CUBN: variants seen among roughly 807,000 people sequenced by gnomAD.
The protein encoded by CUBN is 460 kDa receptor.
CUBN carries 282 observed loss-of-function variants against 405.3 expected under a neutral mutation model. The ratio of observed to expected loss-of-function variants is 0.70; its 90% CI spans 0.63 to 0.77. CUBN has a LOEUF of 0.77. Among genes scored for constraint, CUBN ranks in the 30% least tolerant of loss-of-function variants. CUBN has a pLI of 0.00. For missense variants in CUBN, 4,514 were observed against 4,475.2 expected (o/e 1.01, Z -0.25); for synonymous variants, 1,684 against 1,617.0 (o/e 1.04, Z -0.99).
Position 17,115,505 on chromosome 10 carries a change from A to G in CUBN, c.686T>C (p.Ile229Thr). 2 of 1,614,070 alleles carry G rather than the reference A, an allele frequency of 1.2e-6. No homozygotes were observed. The highest frequency in any genetic ancestry group is 1.7e-6 in the Non-Finnish European group (2 of 1,179,998). Residue 229 changes from isoleucine (I) to threonine (T), a missense_variant, in exon 7 of 67, where the codon ATC becomes ACC. By Grantham distance (89) the Ile-to-Thr change is moderately conservative. Coordinates refer to ENST00000377833, the MANE Select transcript of CUBN (RefSeq NM_001081.4). ...TTGCTCTCGCATTAAATCCTCACAG[A>G]TGCCATGGACACAGCGTGCCACAGA... Reference protein sequence around the residue: ...GGSVARCVHGICEDLMREQAG... With the variant: ...GGSVARCVHGTCEDLMREQAG...
chr10:16,844,578 C>A (rs1185765730), intron 60 of CUBN, among the ~76,000 whole-genome samples: 3 of 152,174 alleles, frequency 2.0e-5, no homozygotes, highest in African/African-American at 7.2e-5. Flanking sequence ...GAAGCCAGGG[C>A]TGGATGGAAG....
chr10:16,930,027 C>T (rs918738796), intron 40 of CUBN, among the ~76,000 whole-genome samples: 1 of 152,178 alleles, frequency 6.6e-6, no homozygotes, highest in Non-Finnish European at 1.5e-5. Flanking sequence ...CCCCTTCAGT[C>T]TTCATACTGA....
At chr10:16,867,027 A>G (rs1020620184) in intron 59 of CUBN, among the ~76,000 whole-genome samples, 1 of 152,244 alleles carries the variant, frequency 6.6e-6, no homozygotes, top group African/African-American at 2.4e-5. Flanking sequence ...AAGCAGATGT[A>G]CATAAAACAT....
chr10:16,862,849 C>T (rs1014175794), intron 59 of CUBN, among the ~76,000 whole-genome samples: 2 of 152,234 alleles, frequency 1.3e-5, no homozygotes, highest in African/African-American at 4.8e-5. Context: ...TTCTTCCCAG[C>T]ACCTGTTCCC....
At chr10:17,058,452 T>C (rs961827223) in intron 22 of CUBN, among the ~76,000 whole-genome samples, 7 of 152,126 alleles carry the variant, frequency 4.6e-5, no homozygotes, top group Non-Finnish European at 8.8e-5. Context: ...GAAAGTCCAA[T>C]AAATAATTCA....
chr10:17,020,162 G>C (rs1834451975), intron 27 of CUBN, among the ~76,000 whole-genome samples, 179 bp from the exon 28 acceptor site: 1 of 152,096 alleles, frequency 6.6e-6, no homozygotes, highest in Admixed American at 6.5e-5. Flanking sequence ...TGCATAGAGA[G>C]GGTATTAGAG....
intron 59 of CUBN, among the ~76,000 whole-genome samples, chr10:16,854,550 G>A (rs1839814807): frequency 6.6e-6 from 1 of 152,186 alleles, no homozygotes; most frequent in Non-Finnish European, 1.5e-5. Flanking sequence ...ACATTGCTGT[G>A]GTGAGGGCTG....
intron 27 of CUBN, among the ~76,000 whole-genome samples, chr10:17,037,213 CA>C (rs1351440862): frequency 6.6e-6 from 1 of 152,082 alleles, no homozygotes; most frequent in Non-Finnish European, 1.5e-5. Context: ...GAAATAGATG[CA>C]ATCTTGTTTG....
At chr10:17,121,063 A>C (rs1837028516) in intron 6 of CUBN, among the ~76,000 whole-genome samples, 1 of 152,208 alleles carries the variant, frequency 6.6e-6, no homozygotes, top group Admixed American at 6.5e-5. Flanking sequence ...CCCAAGCCTA[A>C]CAAAGGCAGG....
chr10:16,923,127 C>T (rs562544539), intron 43 of CUBN, among the ~76,000 whole-genome samples: 64 of 152,130 alleles, frequency 4.2e-4, no homozygotes, highest in African/African-American at 1.5e-3. Flanking sequence ...CGTGAACCAC[C>T]GTGCCCAGCC....
chr10:17,126,904 C>A (rs1303170182), intron 3 of CUBN, 105 bp from the exon 4 acceptor site: 1 of 1,143,984 alleles, frequency 8.7e-7, no homozygotes, highest in Non-Finnish European at 1.3e-6. Context: ...TAGGGACACA[C>A]TTTGTTCATT....
chr10:16,900,960 TG>T, intron 52 of CUBN, 110 bp from the exon 53 acceptor site: 1 of 851,890 alleles, frequency 1.2e-6, no homozygotes, highest in Non-Finnish European at 1.9e-6. Context: ...TTTGTATTTT[TG>T]TCTCTTATTT....
In CUBN at chr10:17,129,808, A is replaced by G. The variant is rs1027405991; in HGVS notation, c.-43T>C. The G allele has an allele frequency of 1.9e-6, 3 of 1,609,310 alleles. No individual in the cohort carries two copies. Among genetic ancestry groups the G allele is most frequent in the Non-Finnish European group, 2.6e-6 (3 of 1,176,058 alleles). The stretch of plus-strand genomic sequence containing the variant: ...AGGTAAGAGTGAGGCCACTCCAACC[A>G]ACTGAGCATGGGATTTTGGAGAACA... On this transcript the variant is annotated 5_prime_UTR_variant, in exon 1 of 67. Coordinates refer to ENST00000377833, the MANE Select transcript of CUBN (RefSeq NM_001081.4).
At chr10:16,828,778 G>A (rs774388102) in intron 66 of CUBN, 27 bp downstream of exon 66, 1 of 1,506,126 alleles carries the variant, frequency 6.6e-7, no homozygotes, top group Non-Finnish European at 9.2e-7. Context: ...ATAACAAATG[G>A]GAATATAAAA....
At chr10:17,008,463 T>C (rs77067850) in intron 28 of CUBN, among the ~76,000 whole-genome samples, 15,304 of 145,276 alleles carry the variant, frequency 0.11, 850 homozygotes, top group East Asian at 0.16. Flanking sequence ...TGTGTGTGTG[T>C]GCGCGCTTAG....
Position 16,851,697 on chromosome 10 carries a change from CCTCT to C in CUBN, c.9455-258_9455-255del, listed in dbSNP as rs537864688. On this transcript the variant is annotated intron_variant, in intron 59 of 66. Transcript: ENST00000377833. The stretch of plus-strand genomic sequence containing the variant: ...CCCTCACTCTATCTTTCCCTCCCTC[CCTCT>C]ATCTTTCCTTCCCTCCATCTTTCCC... Among the ~76,000 whole-genome samples, 182 of 140,958 alleles carry C rather than the reference CCTCT, an allele frequency of 1.3e-3. 1 individual carries two copies. Among genetic ancestry groups the C allele is most frequent in the African/African-American group, 4.1e-3 (154 of 37,248 alleles). 92.5% of individuals were successfully genotyped at this position (140,958 alleles called of 152,430 possible).
chr10:17,035,917 T>C (rs1834887417), intron 27 of CUBN, among the ~76,000 whole-genome samples: 1 of 151,614 alleles, frequency 6.6e-6, no homozygotes, highest in Non-Finnish European at 1.5e-5. Context: ...AAATGATCTG[T>C]GCAACAAACA....
Position 16,873,923 on chromosome 10 carries a change from T to C in CUBN, c.9236+451A>G, listed in dbSNP as rs975378585. Among the ~76,000 whole-genome samples the C allele has an allele frequency of 4.6e-5, 7 of 152,236 alleles. No homozygotes were observed. In the South Asian group the frequency reaches 1.2e-3, roughly 27 times the overall value. On this transcript the variant is annotated intron_variant, in intron 58 of 66. Transcript: ENST00000377833. ...GTGAAATGGGAATAATCTATACAATTCCCAATCTAGAATCTATATATACCT... is the reference window on the plus strand; with the variant it reads ...GTGAAATGGGAATAATCTATACAATCCCCAATCTAGAATCTATATATACCT...
At chr10:16,962,872 G>A (rs1232752228) in intron 31 of CUBN, among the ~76,000 whole-genome samples, 2 of 152,150 alleles carry the variant, frequency 1.3e-5, no homozygotes, top group Non-Finnish European at 2.9e-5. Context: ...AACTGTAAAT[G>A]TTGTTGTCTT....
Sources: allele counts gnomAD v4.1 joint callset (sites outside exome capture counted in the v4.1 genomes callset), GRCh38; gene constraint gnomAD v4.1.1; transcripts MANE v1.5; gene names NCBI Gene and HGNC (gene_info 2026-07-23, HGNC 2026-07-21).